The following GPR39 variants were observed in gnomAD, a reference collection of about 807,000 sequenced individuals.
GPR39 encodes the protein G protein-coupled receptor 39.
In GPR39, 23 loss-of-function variants were observed where a neutral mutation model predicts 18.4. That is an observed-to-expected ratio of 1.25 (90% confidence interval 0.90 to 1.77). The LOEUF (loss-of-function observed/expected upper bound fraction) is 1.77. GPR39 is among the 40% of genes most tolerant of loss of function. The pLI, the probability that GPR39 is intolerant of heterozygous loss-of-function variation, is 0.00. For missense variants in GPR39, 647 were observed against 602.4 expected (o/e 1.07, Z -0.78); for synonymous variants, 280 against 257.9 (o/e 1.09, Z -0.82).
At chr2:132,644,207 G>T (rs372312219) in intron 1 of GPR39, among the ~76,000 whole-genome samples, 4 of 152,318 alleles carry the variant, frequency 2.6e-5, no homozygotes, top group African/African-American at 9.6e-5. Flanking sequence ...ACTGGTGGTG[G>T]TTACTTAAGT....
At chr2:132,550,074 C>T (rs1279567552) in intron 1 of GPR39, among the ~76,000 whole-genome samples, 2 of 152,154 alleles carry the variant, frequency 1.3e-5, no homozygotes, top group Non-Finnish European at 2.9e-5. Flanking sequence ...GCCCAGAATT[C>T]ACCAGATAGC....
intron 1 of GPR39, among the ~76,000 whole-genome samples, chr2:132,574,442 T>C (rs753402238): frequency 1.5e-4 from 23 of 152,212 alleles, no homozygotes; most frequent in Non-Finnish European, 2.9e-4. Context: ...ATGTTAAGTA[T>C]ATTACAGGCC....
chr2:132,506,638 G>A (rs990785480), intron 1 of GPR39, among the ~76,000 whole-genome samples: 1 of 152,134 alleles, frequency 6.6e-6, no homozygotes, highest in Non-Finnish European at 1.5e-5. Context: ...AGTGTTCAGC[G>A]AAGGGGGAAG....
At chr2:132,642,862 T>C (rs1031411394) in intron 1 of GPR39, among the ~76,000 whole-genome samples, 5 of 141,144 alleles carry the variant, frequency 3.5e-5, no homozygotes, top group African/African-American at 1.4e-4. Context: ...TCTCTGAAAT[T>C]CAGTGACAGG....
intron 1 of GPR39, among the ~76,000 whole-genome samples, chr2:132,464,963 C>T (rs899000765): frequency 6.6e-6 from 1 of 152,198 alleles, no homozygotes; most frequent in Non-Finnish European, 1.5e-5. Context: ...GAAATGATGT[C>T]CTGTGTCCCT....
intron 1 of GPR39, among the ~76,000 whole-genome samples, chr2:132,634,415 C>T (rs1190128216): frequency 6.6e-6 from 1 of 152,096 alleles, no homozygotes; most frequent in African/African-American, 2.4e-5. Context: ...AGAGGCAAAG[C>T]CGGAGGTGTC....
In GPR39 at chr2:132,595,178, T is replaced by C. The variant is rs559232773; in HGVS notation, c.857-49923T>C. 3.5e-4 allele frequency among the ~76,000 whole-genome samples: 53 copies of C among 152,266 alleles called. 1 individual carries two copies. In the South Asian group the frequency reaches 7.3e-3, roughly 21 times the overall value. On this transcript the variant is annotated intron_variant, in intron 1 of 1. Transcript: ENST00000329321. Reference sequence around the variant, plus strand: ...CATGCCTGGCTAATTTTTATATTTTTAGTAGAGATGGGGGTTTCACCATGT... The same window carrying C: ...CATGCCTGGCTAATTTTTATATTTTCAGTAGAGATGGGGGTTTCACCATGT...
chr2:132,429,087 G>A (rs2104757635), intron 1 of GPR39, among the ~76,000 whole-genome samples: 1 of 152,328 alleles, frequency 6.6e-6, no homozygotes, highest in East Asian at 1.9e-4. Context: ...ACTAGGGCCA[G>A]CCAGCCAAAG....
intron 1 of GPR39, among the ~76,000 whole-genome samples, chr2:132,475,930 C>T (rs1681117875): frequency 6.6e-6 from 1 of 152,216 alleles, no homozygotes; most frequent in Non-Finnish European, 1.5e-5. Flanking sequence ...GCCATTTGAC[C>T]TTCCAGTGTC....
At chr2:132,529,607 A>AG (rs925505624) in intron 1 of GPR39, among the ~76,000 whole-genome samples, 1 of 152,214 alleles carries the variant, frequency 6.6e-6, no homozygotes, top group African/African-American at 2.4e-5. Flanking sequence ...ATCCCCCAGT[A>AG]GGGGCGGACT....
chr2:132,591,199 C>T (rs1257034088), intron 1 of GPR39, among the ~76,000 whole-genome samples: 7 of 139,346 alleles, frequency 5.0e-5, no homozygotes, highest in South Asian at 2.4e-4. Context: ...TGCAGTGAGC[C>T]GAGATTGCGC....
rs180864249 is a variant in GPR39, at chr2:132,590,614, A to T, written c.857-54487A>T. On this transcript the variant is annotated intron_variant, in intron 1 of 1. Coordinates refer to ENST00000329321, the MANE Select transcript of GPR39 (RefSeq NM_001508.3). ...AGTTTGGGACTTGCCAAAGAAGAGA[A>T]GATTAAGAGACTGTAAAAAGAGTCA... Among the ~76,000 whole-genome samples, 22 of 152,222 alleles carry T rather than the reference A, an allele frequency of 1.4e-4. 1 individual carries two copies. Among genetic ancestry groups the T allele is most frequent in the Non-Finnish European group, 1.0e-4 (7 of 68,018 alleles).
At chr2:132,639,632 G>C (rs1681823959) in intron 1 of GPR39, among the ~76,000 whole-genome samples, 1 of 152,188 alleles carries the variant, frequency 6.6e-6, no homozygotes, top group Admixed American at 6.5e-5. Flanking sequence ...GGGTAGAAGA[G>C]AGATGATAGA....
At chr2:132,574,699 C>T (rs1053473324) in intron 1 of GPR39, among the ~76,000 whole-genome samples, 8 of 152,198 alleles carry the variant, frequency 5.3e-5, no homozygotes, top group African/African-American at 1.9e-4. Context: ...CTTGCCACTG[C>T]ACTCTAGTCT....
At chr2:132,628,879 A>G (rs1280571265) in intron 1 of GPR39, among the ~76,000 whole-genome samples, 2 of 152,126 alleles carry the variant, frequency 1.3e-5, no homozygotes, top group East Asian at 1.9e-4. Flanking sequence ...ATAAACACAT[A>G]TTGAGTCCCT....
rs547834697 is a variant in GPR39 at position 132,576,211 on chromosome 2, C to T, written c.857-68890C>T. Among the ~76,000 whole-genome samples, 8 of 151,980 alleles carry T rather than the reference C, an allele frequency of 5.3e-5. No homozygotes were observed. In the South Asian group the frequency reaches 1.7e-3, roughly 32 times the overall value. On this transcript the variant is annotated intron_variant, in intron 1 of 1. Coordinates refer to ENST00000329321, the MANE Select transcript of GPR39 (RefSeq NM_001508.3). Reference sequence around the variant, plus strand: ...TGTTTATATATTCTAGGTGTTAGTCCTTTGTTGGATATGTGGTCTGAAAAT... The same window carrying T: ...TGTTTATATATTCTAGGTGTTAGTCTTTTGTTGGATATGTGGTCTGAAAAT...
intron 1 of GPR39, among the ~76,000 whole-genome samples, chr2:132,543,551 GC>G (rs988915398): frequency 3.3e-5 from 5 of 152,150 alleles, no homozygotes; most frequent in Non-Finnish European, 7.3e-5. Context: ...CTGGAACAGT[GC>G]CACTTTAACC....
At position 132,552,029 on chromosome 2, in the gene GPR39, G is replaced by A. The variant is rs895151638; in HGVS notation, c.857-93072G>A. ...GACAGTCACCCCTTTGTAACTGTGG[G>A]TTCCACATCTGTGGATTCAACCAAC... On this transcript the variant is annotated intron_variant, in intron 1 of 1. Coordinates refer to ENST00000329321, the MANE Select transcript of GPR39 (RefSeq NM_001508.3). Among the ~76,000 whole-genome samples, 8 of 152,234 alleles carry A rather than the reference G, an allele frequency of 5.3e-5. 1 individual carries two copies. The South Asian group carries it at 1.2e-3, about 24-fold the overall frequency.
intron 1 of GPR39, among the ~76,000 whole-genome samples, chr2:132,564,810 CTTTTTTTT>C (rs948881403): frequency 4.2e-5 from 4 of 95,456 alleles, no homozygotes; most frequent in South Asian, 4.4e-4. Context: ...TTTCTTTTTT[CTTTTTTTT>C]TTTTTTTTTT....
Sources: gnomAD v4.1 joint callset for allele counts (sites outside exome capture counted in the v4.1 genomes callset) on GRCh38, gnomAD v4.1.1 for gene constraint, MANE v1.5 for transcripts, NCBI Gene and HGNC (gene_info 2026-07-23, HGNC 2026-07-21) for gene names.